The following NSMCE2 variants were observed in gnomAD, a reference collection of about 807,000 sequenced individuals.
NSMCE2 encodes E3 SUMO-protein ligase NSE2.
Under a neutral mutation model 23.8 loss-of-function variants are expected in NSMCE2, and 24 were observed. That is an observed-to-expected ratio of 1.01 (90% CI 0.73 to 1.42). The LOEUF (loss-of-function observed/expected upper bound fraction) is 1.42, where lower values mean the gene tolerates loss of function less well. Ranked by LOEUF, NSMCE2 falls within the 40% of genes most tolerant of loss-of-function variation. The pLI is 0.00. For synonymous variants in NSMCE2, 92 were observed against 94.1 expected (o/e 0.98, Z 0.13); for missense variants, 284 against 296.5 (o/e 0.96, Z 0.31).
At chr8:125,334,319 G>A (rs188511890) in intron 5 of NSMCE2, among the ~76,000 whole-genome samples, 14 of 152,280 alleles carry the variant, frequency 9.2e-5, no homozygotes, top group Middle Eastern at 3.4e-3. Flanking sequence ...AGCGCTCCAG[G>A]CTGTGCTAAG....
At chr8:125,252,345 G>A (rs1030238198) in intron 5 of NSMCE2, among the ~76,000 whole-genome samples, 2 of 152,232 alleles carry the variant, frequency 1.3e-5, no homozygotes, top group East Asian at 1.9e-4. Flanking sequence ...TGGCTAACAC[G>A]GTGAAACCCT....
intron 4 of NSMCE2, among the ~76,000 whole-genome samples, chr8:125,160,044 A>G (rs1202835808): frequency 6.6e-6 from 1 of 152,166 alleles, no homozygotes; most frequent in African/African-American, 2.4e-5. Flanking sequence ...TATGTACACA[A>G]ATAGCTACAA....
At chr8:125,214,053 A>G (rs1824470873) in intron 5 of NSMCE2, among the ~76,000 whole-genome samples, 1 of 152,224 alleles carries the variant, frequency 6.6e-6, no homozygotes, top group Non-Finnish European at 1.5e-5. Context: ...CATTAAACAA[A>G]TAACTTTTAT....
At chr8:125,212,078 AGCCATT>A (rs1824372270) in intron 5 of NSMCE2, among the ~76,000 whole-genome samples, 1 of 152,192 alleles carries the variant, frequency 6.6e-6, no homozygotes, top group Non-Finnish European at 1.5e-5. Flanking sequence ...AATAAGAGAG[AGCCATT>A]GCTTCCTAAA....
At chr8:125,178,585 G>T (rs552628255) in intron 4 of NSMCE2, among the ~76,000 whole-genome samples, 5 of 152,268 alleles carry the variant, frequency 3.3e-5, no homozygotes, top group African/African-American at 1.2e-4. Context: ...GAAGTCATTA[G>T]GTTGGCTGGG....
intron 3 of NSMCE2, among the ~76,000 whole-genome samples, chr8:125,120,566 G>A (rs1819216583): frequency 6.6e-6 from 1 of 152,172 alleles, no homozygotes; most frequent in South Asian, 2.1e-4. Flanking sequence ...TGGTAAACTA[G>A]TTTCTTACGA....
At chr8:125,153,938 A>G (rs796460278) in intron 4 of NSMCE2, among the ~76,000 whole-genome samples, 2 of 152,266 alleles carry the variant, frequency 1.3e-5, no homozygotes, top group South Asian at 2.1e-4. Flanking sequence ...GACCTGTCCT[A>G]TTCTGGAATT....
intron 7 of NSMCE2, among the ~76,000 whole-genome samples, 192 bp from the exon 8 acceptor site, chr8:125,366,576 T>A (rs771177494): frequency 6.6e-6 from 1 of 152,040 alleles, no homozygotes; most frequent in East Asian, 1.9e-4. Context: ...CACATATCGC[T>A]TGTGTCCCCA....
intron 5 of NSMCE2, among the ~76,000 whole-genome samples, chr8:125,308,321 G>A (rs1586747509): frequency 6.6e-6 from 1 of 152,092 alleles, no homozygotes; most frequent in South Asian, 2.1e-4. Context: ...TGTTTTGGGG[G>A]GAAAAAATCC....
At chr8:125,351,552 A>G (rs1363554258) in intron 5 of NSMCE2, 1 of 152,126 alleles carries the variant, frequency 6.6e-6, no homozygotes, top group African/African-American at 2.4e-5. Flanking sequence ...TATGCTTCTA[A>G]CAACATCGTC....
chr8:125,214,047 A>T (rs1324085542), intron 5 of NSMCE2, among the ~76,000 whole-genome samples: 1 of 151,854 alleles, frequency 6.6e-6, no homozygotes, highest in Non-Finnish European at 1.5e-5. Context: ...AGTTTACATT[A>T]AACAAATAAC....
intron 4 of NSMCE2, among the ~76,000 whole-genome samples, chr8:125,168,699 C>T (rs1291853600): frequency 1.3e-5 from 2 of 152,248 alleles, no homozygotes; most frequent in African/African-American, 2.4e-5. Flanking sequence ...GAGGCCTCAC[C>T]TCCTAATACC....
chr8:125,272,864 T>TTG, intron 5 of NSMCE2, among the ~76,000 whole-genome samples: 1 of 139,978 alleles, frequency 7.1e-6, no homozygotes, highest in Non-Finnish European at 1.5e-5. Context: ...CACATATATA[T>TTG]ACACACGTAT....
At chr8:125,151,091 T>C in intron 3 of NSMCE2, 80 bp from the exon 4 acceptor site, 1 of 650,200 alleles carries the variant, frequency 1.5e-6, no homozygotes, top group Non-Finnish European at 2.8e-6. Context: ...CATTGACTGA[T>C]GTAGATTGTA....
intron 5 of NSMCE2, among the ~76,000 whole-genome samples, chr8:125,286,478 A>C (rs1483069544): frequency 1.3e-5 from 2 of 151,132 alleles, no homozygotes; most frequent in East Asian, 1.9e-4. Context: ...ATGACGGCTA[A>C]TTTTTTGTAT....
chr8:125,294,596 A>G (rs1828249495), intron 5 of NSMCE2, among the ~76,000 whole-genome samples: 1 of 152,228 alleles, frequency 6.6e-6, no homozygotes, highest in Non-Finnish European at 1.5e-5. Flanking sequence ...TTGCGATCGT[A>G]TACTTTCTTA....
chr8:125,104,330 G>A (rs1018788634), intron 3 of NSMCE2, among the ~76,000 whole-genome samples: 1 of 152,156 alleles, frequency 6.6e-6, no homozygotes, highest in African/African-American at 2.4e-5. Flanking sequence ...TGTTTGGTGT[G>A]CAGCTAAGTG....
intron 3 of NSMCE2, chr8:125,130,098 CTT>C (rs1179557861): frequency 1.6e-5 from 5 of 315,068 alleles, no homozygotes; most frequent in South Asian, 7.9e-5. Flanking sequence ...GTTGGTTTCG[CTT>C]TTTTTTTTCT....
chr8:125,151,007 T>A (rs778881795), intron 3 of NSMCE2, among the ~76,000 whole-genome samples, 164 bp from the exon 4 acceptor site: 86 of 152,194 alleles, frequency 5.7e-4, no homozygotes, highest in African/African-American at 1.3e-3. Flanking sequence ...AGGTTTTTTT[T>A]ATTTTTTTTA....
Sources: gnomAD v4.1 joint callset for allele counts (sites outside exome capture counted in the v4.1 genomes callset) on GRCh38, gnomAD v4.1.1 for gene constraint, MANE v1.5 for transcripts, NCBI Gene and HGNC (gene_info 2026-07-23, HGNC 2026-07-21) for gene names.